Variants in WWP1 observed in about 807,000 individuals in gnomAD.
The protein encoded by WWP1 is WW domain containing E3 ubiquitin protein ligase 1.
In WWP1, 49 loss-of-function variants were observed where a neutral mutation model predicts 130.6. The ratio of observed to expected loss-of-function variants is 0.38; its 90% CI spans 0.30 to 0.48. WWP1 has a LOEUF of 0.48. Among genes scored for constraint, WWP1 ranks in the 20% least tolerant of loss-of-function variants. WWP1 has a pLI of 0.99. For synonymous variants in WWP1, 332 were observed against 367.8 expected, an observed-to-expected ratio of 0.90 and a Z score of 1.11; for missense variants, 809 against 1,100.6, an observed-to-expected ratio of 0.74 and a Z score of 3.75.
At chr8:86,367,790 G>C (rs1824055751) in intron 1 of WWP1, among the ~76,000 whole-genome samples, 2 of 152,126 alleles carry the variant, frequency 1.3e-5, no homozygotes, top group Non-Finnish European at 2.9e-5. Flanking sequence ...CTTGATAAAA[G>C]TCATACCACT....
At chr8:86,357,618 T>A (rs1823337767) in intron 1 of WWP1, among the ~76,000 whole-genome samples, 1 of 152,242 alleles carries the variant, frequency 6.6e-6, no homozygotes, top group Admixed American at 6.5e-5. Context: ...CCTGGCATTC[T>A]TGGAATTTAG....
intron 17 of WWP1, chr8:86,440,576 T>G: frequency 2.4e-6 from 1 of 409,130 alleles, no homozygotes; most frequent in Middle Eastern, 4.6e-4. Context: ...ACAGTCCTTT[T>G]TCCTGAAGTT....
chr8:86,401,779 GA>G (rs1807993699), intron 7 of WWP1, among the ~76,000 whole-genome samples: 1 of 151,882 alleles, frequency 6.6e-6, no homozygotes, highest in African/African-American at 2.4e-5. Context: ...AATACACTTA[GA>G]ACTGAAAAGT....
intron 3 of WWP1, among the ~76,000 whole-genome samples, chr8:86,378,371 C>G (rs924149058): frequency 1.3e-5 from 2 of 151,766 alleles, no homozygotes; most frequent in Non-Finnish European, 2.9e-5. Context: ...TTTTATAGTT[C>G]TCTTCATGTG....
At chr8:86,352,039 CTT>C (rs770047019) in intron 1 of WWP1, among the ~76,000 whole-genome samples, 11 of 125,154 alleles carry the variant, frequency 8.8e-5, no homozygotes, top group Admixed American at 2.5e-4. Context: ...TAAAATATTC[CTT>C]TTTTTTTTTT....
rs75598808 is a variant in WWP1 at position 86,403,025 on chromosome 8, A to G, written c.724+822A>G. ...ATGCCTAAGGAAGATGTCCTCTATA[A>G]TCCTTAGTGGACTCATTTATAAGAT... is the stretch of plus-strand genomic sequence containing the variant. On this transcript the variant is annotated intron_variant, in intron 8 of 24. Transcript: ENST00000517970. 1.2e-4 allele frequency among the ~76,000 whole-genome samples: 19 copies of G among 152,266 alleles called. No individual in the cohort carries two copies. The East Asian group carries it at 3.7e-3, about 29-fold the overall frequency.
At chr8:86,360,065 A>C (rs1302089303) in intron 1 of WWP1, among the ~76,000 whole-genome samples, 1 of 150,400 alleles carries the variant, frequency 6.6e-6, no homozygotes, top group East Asian at 1.9e-4. Context: ...AAAAAACAAA[A>C]AACAAAAAAA....
At chr8:86,380,026 G>A (rs1405398235) in intron 3 of WWP1, among the ~76,000 whole-genome samples, 3 of 152,068 alleles carry the variant, frequency 2.0e-5, no homozygotes, top group Non-Finnish European at 4.4e-5. Flanking sequence ...CAAGAGAAAT[G>A]AAAACATACG....
At chr8:86,358,966 T>C (rs1231002731) in intron 1 of WWP1, among the ~76,000 whole-genome samples, 1 of 152,148 alleles carries the variant, frequency 6.6e-6, no homozygotes, top group Non-Finnish European at 1.5e-5. Context: ...ACTGGAGAGA[T>C]GACACCTGAG....
chr8:86,460,959 G>A (rs1811737464), intron 22 of WWP1, among the ~76,000 whole-genome samples: 1 of 151,272 alleles, frequency 6.6e-6, no homozygotes, highest in South Asian at 2.1e-4. Context: ...ACAGGCGCCC[G>A]ACACCACGCC....
chr8:86,375,641 T>G (rs1391408316), intron 3 of WWP1, among the ~76,000 whole-genome samples: 6 of 152,210 alleles, frequency 3.9e-5, no homozygotes, highest in Non-Finnish European at 5.9e-5. Flanking sequence ...CATATCCTGT[T>G]GAATAGATGT....
At chr8:86,373,193 G>A (rs1225497203) in intron 2 of WWP1, among the ~76,000 whole-genome samples, 1 of 149,104 alleles carries the variant, frequency 6.7e-6, no homozygotes, top group Non-Finnish European at 1.5e-5. Flanking sequence ...TAACTTAATT[G>A]TATTACGGAC....
chr8:86,452,620 G>A lies in WWP1; in HGVS notation c.2335G>A (p.Gly779Ser). The stretch of plus-strand genomic sequence containing the variant: ...AGAACAGACCAAAGCTTTCCTTGAT[G>A]GTTTTAATGAAGTTGTTCCTCTTCA... ...VQEQTKAFLD[G>S]FNEVVPLQWL... The change falls in exon 21 of 25, where the codon GGT (glycine) becomes AGT (serine). Residue 779 changes from glycine to serine, a missense_variant. Physicochemically the swap from Gly to Ser is moderately conservative, Grantham distance 56. Around this residue, in one of 3 missense-constraint regions of WWP1, gnomAD observed 450 missense variants for 674.2 expected, o/e 0.67. Transcript: ENST00000517970. 1 of 1,613,336 alleles carries A rather than the reference G, an allele frequency of 6.2e-7. No individual in the cohort carries two copies. The highest frequency in any genetic ancestry group is 8.5e-7 in the Non-Finnish European group (1 of 1,179,596).
At chr8:86,380,701 C>T in intron 3 of WWP1, 25 bp from the exon 4 acceptor site, 1 of 1,593,686 alleles carries the variant, frequency 6.3e-7, no homozygotes, top group Non-Finnish European at 8.5e-7. Flanking sequence ...AACACATACT[C>T]ACTAGTGAAT....
At chr8:86,460,973 C>CTAA (rs1224932384) in intron 22 of WWP1, among the ~76,000 whole-genome samples, 1 of 151,572 alleles carries the variant, frequency 6.6e-6, no homozygotes, top group Non-Finnish European at 1.5e-5. Flanking sequence ...CCACGCCCGG[C>CTAA]TAATTTTTTG....
chr8:86,352,336 T>A (rs1471930442), intron 1 of WWP1, among the ~76,000 whole-genome samples: 1 of 152,156 alleles, frequency 6.6e-6, no homozygotes, highest in Non-Finnish European at 1.5e-5. Flanking sequence ...ATGATTCTTG[T>A]GCCTCATCCT....
At position 86,430,757 on chromosome 8, in the gene WWP1, C is replaced by T. The variant is rs765994357; in HGVS notation, c.1387+6C>T. ...ACCTTTGCCACCAGGCTGGGGTAAGCTGTTTTTGCTAATGATCTATAAGGG... is the reference window on the plus strand; with the variant it reads ...ACCTTTGCCACCAGGCTGGGGTAAGTTGTTTTTGCTAATGATCTATAAGGG... On this transcript the variant is annotated splice_donor_region_variant and intron_variant, in intron 12 of 24. Transcript: ENST00000517970. 6.5e-7 allele frequency: 1 copy of T among 1,532,080 alleles called. No individual in the cohort carries two copies. The allele number at this position is 1,532,080 out of a possible 1,614,324, so 94.9% of individuals were successfully genotyped here. A position where few individuals can be genotyped will look rare whatever the true frequency, so the allele number is the denominator to read the frequency against.
At chr8:86,445,355 A>G (rs1810805935) in intron 18 of WWP1, among the ~76,000 whole-genome samples, 2 of 151,940 alleles carry the variant, frequency 1.3e-5, no homozygotes, top group African/African-American at 4.8e-5. Context: ...TCTCCCTCCC[A>G]TCGTAGTCCC....
intron 18 of WWP1, 41 bp from the exon 19 acceptor site, chr8:86,448,107 T>C: frequency 6.6e-7 from 1 of 1,513,726 alleles, no homozygotes; most frequent in East Asian, 2.4e-5. Context: ...GAAATTGTTA[T>C]TTTGCAAATT....
Sources: gnomAD v4.1 joint callset for allele counts (sites outside exome capture counted in the v4.1 genomes callset) on GRCh38, gnomAD v4.1.1 for gene constraint, gnomAD v4.1.1 regional missense constraint, MANE v1.5 for transcripts, NCBI Gene and HGNC (gene_info 2026-07-23, HGNC 2026-07-21) for gene names.